The following OR7D4 variants were observed in gnomAD, a reference collection of about 807,000 sequenced individuals.
OR7D4 encodes olfactory receptor family 7 subfamily D member 4.
For missense variants in OR7D4, 319 were observed against 377.1 expected, an observed-to-expected ratio of 0.85 and a Z score of 1.27; for synonymous variants, 154 against 158.4, an observed-to-expected ratio of 0.97 and a Z score of 0.21.
At position 9,214,489 on chromosome 19, in the gene OR7D4, C is replaced by T. The variant is rs377558236; in HGVS notation, c.349G>A (p.Val117Met). Residue 117 changes from valine to methionine, a missense_variant, in exon 2 of 2, where the codon GTG becomes ATG. By Grantham distance (21) the Val-to-Met change is conservative. Transcript: ENST00000641669. ...FAGMDTFLLAVMAYDRFVAIC... is the reference protein window; with the variant it reads ...FAGMDTFLLAMMAYDRFVAIC... ...GCCACAAACCGGTCATAGGCCATCA[C>T]GGCCAGTAGGAAAGTATCCATTCCA... is the stretch of plus-strand genomic sequence containing the variant. The T allele has an allele frequency of 5.0e-6, 8 of 1,614,038 alleles. No individual in the cohort carries two copies. The highest frequency in any genetic ancestry group is 2.2e-5 in the East Asian group (1 of 44,884).
Position 9,214,725 on chromosome 19 carries a change from G to C in OR7D4, c.113C>G (p.Thr38Arg). The C allele has an allele frequency of 6.2e-7, 1 of 1,613,974 alleles. No homozygotes were observed. Reference protein sequence around the residue: ...FGLFLSMYLVTVLGNLLIILA... With the variant: ...FGLFLSMYLVRVLGNLLIILA... The stretch of plus-strand genomic sequence containing the variant: ...AATGATGAGCAGGTTCCCCAGCACC[G>C]TGACCAGGTACATGGACAGGAACAG... The change falls in exon 2 of 2, where the codon ACG (threonine) becomes AGG (arginine). Residue 38 changes from threonine to arginine, a missense_variant. Thr to Arg is a moderately conservative substitution (Grantham distance 71). Transcript: ENST00000641669.
In OR7D4 at chr19:9,214,665, G is replaced by A; in HGVS notation, c.173C>T (p.Pro58Leu). ...CAGGTTGGAGAGGAAGAAGTACATG[G>A]GGGTGTGGAGGTGGGAGTCAGAGCT... ...AVSSDSHLHT[P>L]MYFFLSNLSF... is the part of the protein sequence containing the mutation. Residue 58 changes from proline to leucine, a missense_variant, in exon 2 of 2, where the codon CCC becomes CTC. Pro to Leu is a moderately conservative substitution (Grantham distance 98). Transcript: ENST00000641669. The A allele has an allele frequency of 6.2e-7, 1 of 1,614,158 alleles. No individual in the cohort carries two copies. Among genetic ancestry groups the A allele is most frequent in the Non-Finnish European group, 8.5e-7 (1 of 1,180,020 alleles).
rs1346620344 is a variant in OR7D4 at position 9,214,465 on chromosome 19, C to T, written c.373G>A (p.Ala125Thr). The change falls in exon 2 of 2, where the codon GCC becomes ACC. Residue 125 changes from alanine (A) to threonine (T), a missense_variant. Ala to Thr is a moderately conservative substitution (Grantham distance 58). Transcript: ENST00000641669. ...LAVMAYDRFV[A>T]ICHPLHYTVI... Reference sequence around the variant, plus strand: ...GTGTAGTGCAGTGGGTGGCAGATGGCCACAAACCGGTCATAGGCCATCACG... The same window carrying T: ...GTGTAGTGCAGTGGGTGGCAGATGGTCACAAACCGGTCATAGGCCATCACG... 2.5e-6 allele frequency: 4 copies of T among 1,613,972 alleles called. No homozygotes were observed. The East Asian group carries it at 6.7e-5, about 27-fold the overall frequency.
Position 9,213,906 on chromosome 19 carries a change from C to T in OR7D4, c.932G>A (p.Cys311Tyr), listed in dbSNP as rs187446768. The T allele has an allele frequency of 3.1e-6, 5 of 1,613,110 alleles. No homozygotes were observed. The East Asian group carries it at 1.1e-4, about 36-fold the overall frequency. ...LERLLSRADS[C>Y]P is the part of the protein sequence containing the mutation. ...TTCTGAGGCCCTGATTTGTCATGGA[C>T]AAGAGTCGGCCCTGCTGAGGAGTCT... Residue 311 changes from cysteine (C) to tyrosine (Y), a missense_variant, in exon 2 of 2, where the codon TGT (cysteine) becomes TAT (tyrosine). Cys to Tyr is a radical substitution (Grantham distance 194). Coordinates refer to ENST00000641669, the MANE Select transcript of OR7D4 (RefSeq NM_001005191.3).
At chr19:9,216,740 C>T (rs1381381865) in intron 1 of OR7D4, among the ~76,000 whole-genome samples, 1 of 152,056 alleles carries the variant, frequency 6.6e-6, no homozygotes, top group African/African-American at 2.4e-5. Flanking sequence ...CACAGGCATG[C>T]ACCACCATGC....
rs201732443 is a variant in OR7D4 at position 9,214,319 on chromosome 19, C to G, written c.519G>C (p.Glu173Asp). 6.2e-7 allele frequency: 1 copy of G among 1,614,116 alleles called. No individual in the cohort carries two copies. Among genetic ancestry groups the G allele is most frequent in the Non-Finnish European group, 8.5e-7 (1 of 1,180,024 alleles). The part of the protein sequence containing the change: ...MKRLTFSTGT[E>D]IPHFFCEPAQ... ...CCGGTTCACAGAAGAAATGCGGAAT[C>G]TCAGTGCCTGTGGAGAAGGTCAACC... is the stretch of plus-strand genomic sequence containing the variant. Residue 173 changes from glutamate to aspartate, a missense_variant, in exon 2 of 2, where the codon GAG (glutamate) becomes GAC (aspartate). Physicochemically the swap from Glu to Asp is conservative, Grantham distance 45 (BLOSUM62 2). Coordinates refer to ENST00000641669, the MANE Select transcript of OR7D4 (RefSeq NM_001005191.3).
rs751224236 is a variant in OR7D4, at chr19:9,214,849, G to A, written c.-12C>T. The A allele has an allele frequency of 2.6e-6, 4 of 1,555,148 alleles. No individual in the cohort carries two copies. Among genetic ancestry groups the A allele is most frequent in the South Asian group, 1.2e-5 (1 of 84,018 alleles). On this transcript the variant is annotated splice_region_variant and 5_prime_UTR_variant, in exon 2 of 2. Transcript: ENST00000641669. ...TTTTCTGCTTCCATGTAGCTGTTGTGTCTGCTGGGGAAGGAGGAAAAAGCA... is the reference window on the plus strand; with the variant it reads ...TTTTCTGCTTCCATGTAGCTGTTGTATCTGCTGGGGAAGGAGGAAAAAGCA...
rs1599220977 is a variant in OR7D4 at position 9,211,824 on chromosome 19, G to A, written c.*2075C>T. Reference sequence around the variant, plus strand: ...GTGCAACATATTCTTCTCATGGAAGGCCTGCTTCTTCTTTATTTACATGGT... The same window carrying A: ...GTGCAACATATTCTTCTCATGGAAGACCTGCTTCTTCTTTATTTACATGGT... On this transcript the variant is annotated 3_prime_UTR_variant, in exon 2 of 2. Coordinates refer to ENST00000641669, the MANE Select transcript of OR7D4 (RefSeq NM_001005191.3). 2 of 149,990 alleles carry A rather than the reference G, an allele frequency of 1.3e-5. No individual in the cohort carries two copies. Among genetic ancestry groups the A allele is most frequent in the East Asian group, 2.0e-4 (1 of 5,128 alleles). 9.3% of individuals were successfully genotyped at this position (149,990 alleles called of 1,614,324 possible).
intron 1 of OR7D4, among the ~76,000 whole-genome samples, chr19:9,218,636 T>A (rs2051234814): frequency 6.6e-6 from 1 of 151,988 alleles, no homozygotes; most frequent in Admixed American, 6.6e-5. Context: ...GCAAATGGAT[T>A]TTTTTTTGGG....
chr19:9,215,486 G>A (rs550956694), intron 1 of OR7D4, among the ~76,000 whole-genome samples: 5 of 151,278 alleles, frequency 3.3e-5, no homozygotes, highest in African/African-American at 7.3e-5. Context: ...TCTTTTCCTC[G>A]ATAATCCCCA....
Sources: allele counts gnomAD v4.1 joint callset (sites outside exome capture counted in the v4.1 genomes callset), GRCh38; gene constraint gnomAD v4.1.1; transcripts MANE v1.5; gene names NCBI Gene and HGNC (gene_info 2026-07-23, HGNC 2026-07-21).